Variants in KANSL1 observed in about 807,000 individuals in gnomAD.
KANSL1 encodes MLL1/MLL complex subunit KANSL1.
Under a neutral mutation model 103.6 loss-of-function variants are expected in KANSL1, and 22 were observed. The ratio of observed to expected loss-of-function variants is 0.21; its 90% confidence interval spans 0.15 to 0.30. KANSL1 has a LOEUF of 0.30. Among genes scored for constraint, KANSL1 ranks in the 10% least tolerant of loss-of-function variants. The probability of loss-of-function intolerance (pLI) is 1.00; values close to 1 mark genes in which losing one functional copy is unlikely to be tolerated. For missense variants in KANSL1, 1,337 were observed against 1,399.8 expected, an observed-to-expected ratio of 0.96 and a Z score of 0.72; for synonymous variants, 600 against 527.6, an observed-to-expected ratio of 1.14 and a Z score of -1.88.
At chr17:46,056,930 A>G (rs1369270532) in intron 6 of KANSL1, among the ~76,000 whole-genome samples, 2 of 152,144 alleles carry the variant, frequency 1.3e-5, no homozygotes, top group Non-Finnish European at 2.9e-5. Flanking sequence ...TACTCCCCCA[A>G]TTTGTGAAAA....
rs539679970 is a variant in KANSL1, at chr17:46,208,778, T to C, written c.-90+14893A>G. Among the ~76,000 whole-genome samples, 4 of 146,750 alleles carry C rather than the reference T, an allele frequency of 2.7e-5. 1 individual carries two copies. The highest frequency in any genetic ancestry group is 4.3e-4 in the South Asian group (2 of 4,660). ...ACCGGAGACAGAGGGTGCAGGAACC[T>C]GGAGGCGGAGGTTGCAGGAAGCCGA... On this transcript the variant is annotated intron_variant, in intron 1 of 14. Coordinates refer to the KANSL1 transcript ENST00000572904.
At chr17:46,193,672 G>T, upstream of KANSL1, 1 of 307,798 alleles carries the variant, frequency 3.2e-6, no homozygotes, top group South Asian at 2.2e-5. Context: ...GGCCCCAGCT[G>T]CCCCGGACGT....
At chr17:46,207,667 G>A (rs1409120181) in intron 1 of KANSL1, among the ~76,000 whole-genome samples, 3 of 152,178 alleles carry the variant, frequency 2.0e-5, no homozygotes, top group African/African-American at 7.2e-5. Context: ...TATATGAATG[G>A]CCAATAAGCA....
intron 2 of KANSL1, among the ~76,000 whole-genome samples, chr17:46,118,345 A>T (rs917713545): frequency 6.6e-6 from 1 of 152,242 alleles, no homozygotes; most frequent in African/African-American, 2.4e-5. Flanking sequence ...ACTATTAGCT[A>T]AACAGTAGCC....
intron 2 of KANSL1, among the ~76,000 whole-genome samples, chr17:46,098,076 T>C (rs2042157954): frequency 6.7e-6 from 1 of 149,842 alleles, no homozygotes; most frequent in Non-Finnish European, 1.5e-5. Context: ...TCTGCTTCAA[T>C]GTTGGCTGCA....
At chr17:46,144,855 C>T (rs1043331318) in intron 2 of KANSL1, among the ~76,000 whole-genome samples, 2 of 152,132 alleles carry the variant, frequency 1.3e-5, no homozygotes, top group Non-Finnish European at 2.9e-5. Context: ...TACACCTTTT[C>T]CACACGAAAT....
intron 6 of KANSL1, among the ~76,000 whole-genome samples, chr17:46,053,455 A>T (rs568038389): frequency 5.6e-3 from 260 of 46,496 alleles, no homozygotes; most frequent in African/African-American, 0.02. Context: ...TTTAATACTT[A>T]TTTTTTTTTT....
Position 46,066,718 on chromosome 17 carries a change from A to G in KANSL1, c.1667T>C (p.Leu556Ser). 6.2e-7 allele frequency: 1 copy of G among 1,613,886 alleles called. No individual in the cohort carries two copies. The highest frequency in any genetic ancestry group is 8.5e-7 in the Non-Finnish European group (1 of 1,179,834). ...NGVINTLQPV[L>S]ADHIPGDSSD... Reference sequence around the variant, plus strand: ...GCTGTCACCTGGAATGTGGTCTGCCAAGACAGGCTGAAGACTATACAAGGG... The same window carrying G: ...GCTGTCACCTGGAATGTGGTCTGCCGAGACAGGCTGAAGACTATACAAGGG... The change falls in exon 6 of 15, where the codon TTG becomes TCG. Residue 556 changes from leucine to serine, a missense_variant. Leu to Ser is a moderately radical substitution (Grantham distance 145). Around this residue, in one of 2 missense-constraint regions of KANSL1, gnomAD observed 780 missense variants for 923.4 expected, o/e 0.84. Transcript: ENST00000432791.
upstream of KANSL1, chr17:46,224,417 G>A (rs2048621515): frequency 6.6e-6 from 1 of 150,704 alleles, no homozygotes; most frequent in African/African-American, 2.4e-5. Context: ...CAAGTCCTGG[G>A]CCTGTATACA....
chr17:46,205,187 A>T (rs1253484322), intron 1 of KANSL1, among the ~76,000 whole-genome samples: 1 of 152,246 alleles, frequency 6.6e-6, no homozygotes, highest in African/African-American at 2.4e-5. Context: ...TTATTTGCAG[A>T]TGATATAATC....
intron 2 of KANSL1, among the ~76,000 whole-genome samples, chr17:46,150,065 CAAA>C (rs61494872): frequency 3.7e-5 from 4 of 107,712 alleles, no homozygotes; most frequent in African/African-American, 1.1e-4. Context: ...CTTTCCTTAC[CAAA>C]AAAAAAAAAA....
chr17:46,081,932 G>A (rs899170968), intron 4 of KANSL1, among the ~76,000 whole-genome samples: 3 of 152,152 alleles, frequency 2.0e-5, no homozygotes, highest in African/African-American at 7.2e-5. Flanking sequence ...ATGGTATTGA[G>A]AGAAACCAGG....
At chr17:46,189,507 G>A (rs991652510) in intron 1 of KANSL1, among the ~76,000 whole-genome samples, 3 of 152,094 alleles carry the variant, frequency 2.0e-5, no homozygotes, top group South Asian at 2.1e-4. Flanking sequence ...AAAGGAATAC[G>A]CATTACTCTT....
chr17:46,055,479 A>C (rs1217797305), intron 6 of KANSL1, among the ~76,000 whole-genome samples: 2 of 151,706 alleles, frequency 1.3e-5, no homozygotes, highest in Non-Finnish European at 2.9e-5. Context: ...AAAAAAAAAA[A>C]GTGAAAAAAG....
intron 2 of KANSL1, among the ~76,000 whole-genome samples, chr17:46,140,993 T>C (rs541578968): frequency 5.9e-5 from 9 of 152,176 alleles, no homozygotes; most frequent in African/African-American, 9.7e-5. Flanking sequence ...GGCTACTTTA[T>C]GTGTTAAATG....
intron 2 of KANSL1, among the ~76,000 whole-genome samples, chr17:46,155,880 C>T (rs2045397891): frequency 1.3e-5 from 2 of 152,168 alleles, no homozygotes; most frequent in African/African-American, 2.4e-5. Context: ...CTGTAGTAAG[C>T]TATGATCACG....
In KANSL1 at chr17:46,066,703, G is replaced by A. The variant is rs1568409811; in HGVS notation, c.1682C>T (p.Pro561Leu). 1 of 1,613,874 alleles carries A rather than the reference G, an allele frequency of 6.2e-7. No homozygotes were observed. Among genetic ancestry groups the A allele is most frequent in the Non-Finnish European group, 8.5e-7 (1 of 1,179,980 alleles). Residue 561 changes from proline to leucine, a missense_variant, in exon 6 of 15, where the codon CCA becomes CTA. Physicochemically the swap from Pro to Leu is moderately conservative, Grantham distance 98 (BLOSUM62 -3). Coordinates refer to ENST00000432791, the MANE Select transcript of KANSL1 (RefSeq NM_015443.4). The part of the protein sequence containing the change: ...TLQPVLADHI[P>L]GDSSDAEEQL... ...TTCCTCAGCATCAGAGCTGTCACCT[G>A]GAATGTGGTCTGCCAAGACAGGCTG...
intron 3 of KANSL1, chr17:46,088,488 T>A (rs1444976845): frequency 6.6e-6 from 1 of 152,250 alleles, no homozygotes; most frequent in African/African-American, 2.4e-5. Flanking sequence ...CCCATTCAAC[T>A]CCTTCCCTAT....
At chr17:46,090,295 G>T (rs79923630) in intron 3 of KANSL1, among the ~76,000 whole-genome samples, 21,689 of 151,970 alleles carry the variant, frequency 0.14, 2,121 homozygotes, top group Non-Finnish European at 0.22. Context: ...CAGACTTCTG[G>T]CCTCCAGAAC....
Sources: gnomAD v4.1 joint callset for allele counts (sites outside exome capture counted in the v4.1 genomes callset) on GRCh38, gnomAD v4.1.1 for gene constraint, gnomAD v4.1.1 regional missense constraint, MANE v1.5 for transcripts, NCBI Gene and HGNC (gene_info 2026-07-23, HGNC 2026-07-21) for gene names.